The following C12orf42 variants were observed in gnomAD, a reference collection of about 807,000 sequenced individuals.
C12orf42 encodes uncharacterized protein C12orf42.
A neutral mutation model predicts 21.6 loss-of-function variants in C12orf42; 25 were observed. The ratio of observed to expected loss-of-function variants is 1.16; its 90% confidence interval spans 0.84 to 1.62. The LOEUF is 1.62. Among genes scored for constraint, C12orf42 ranks in the 40% most tolerant of loss-of-function variants. The probability of loss-of-function intolerance (pLI) is 0.00; values close to 1 mark genes in which losing one functional copy is unlikely to be tolerated. For synonymous variants in C12orf42, 174 were observed against 175.0 expected (o/e 0.99, Z 0.05); for missense variants, 483 against 459.3 (o/e 1.05, Z -0.47).
chr12:103,464,342 CAT>C (rs1281334287), intron 2 of C12orf42, among the ~76,000 whole-genome samples: 1 of 151,700 alleles, frequency 6.6e-6, no homozygotes, highest in Non-Finnish European at 1.5e-5. Context: ...GAGCTTTTTT[CAT>C]ATGTTTCTTG....
the C12orf42 span, among the ~76,000 whole-genome samples, chr12:103,120,010 G>C: frequency 6.6e-6 from 1 of 152,208 alleles, no homozygotes; most frequent in Non-Finnish European, 1.5e-5. Flanking sequence ...AGCACTGGAG[G>C]CTGGGGAAAA....
At chr12:103,497,338 C>T (rs146633394), upstream of C12orf42, among the ~76,000 whole-genome samples, 46 of 152,288 alleles carry the variant, frequency 3.0e-4, no homozygotes, top group Admixed American at 1.2e-3. Context: ...AGAAGACATG[C>T]CCTTCAATCT....
chr12:103,228,089 A>C, the C12orf42 span, among the ~76,000 whole-genome samples: 1 of 152,192 alleles, frequency 6.6e-6, no homozygotes, highest in African/African-American at 2.4e-5. Context: ...CCCTGATCAG[A>C]GTCACGGCAC....
At chr12:103,060,018 A>G in the C12orf42 span, among the ~76,000 whole-genome samples, 1 of 152,174 alleles carries the variant, frequency 6.6e-6, no homozygotes, top group Admixed American at 6.5e-5. Context: ...GCATTTTCAA[A>G]TAGGAAGAGA....
At chr12:103,247,446 GA>G (rs1207683725) in intron 10 of C12orf42, among the ~76,000 whole-genome samples, 1 of 151,916 alleles carries the variant, frequency 6.6e-6, no homozygotes, top group East Asian at 1.9e-4. Context: ...TATTGTCTAT[GA>G]CATCAATATT....
intron 4 of C12orf42, among the ~76,000 whole-genome samples, chr12:103,365,292 C>T (rs2044496612): frequency 2.0e-5 from 3 of 151,846 alleles, no homozygotes; most frequent in African/African-American, 7.3e-5. Context: ...TGATTAAAAC[C>T]CTCAGCAAAA....
chr12:103,464,261 C>A (rs554332082), intron 2 of C12orf42, among the ~76,000 whole-genome samples: 1 of 152,092 alleles, frequency 6.6e-6, no homozygotes, highest in Non-Finnish European at 1.5e-5. Context: ...TTTATAATTG[C>A]CATTCTGACT....
chr12:103,461,970 G>T (rs1051322998), intron 2 of C12orf42, among the ~76,000 whole-genome samples: 1 of 151,760 alleles, frequency 6.6e-6, no homozygotes, highest in Non-Finnish European at 1.5e-5. Flanking sequence ...TGGACTCTTT[G>T]GCACATCTAC....
chr12:103,393,570 T>C (rs1298969643), intron 3 of C12orf42, among the ~76,000 whole-genome samples: 1 of 152,126 alleles, frequency 6.6e-6, no homozygotes, highest in Non-Finnish European at 1.5e-5. Context: ...CAACACATGC[T>C]TCCGTTCCCT....
At chr12:103,560,671 G>T in the C12orf42 span, among the ~76,000 whole-genome samples, 1 of 152,172 alleles carries the variant, frequency 6.6e-6, no homozygotes, top group African/African-American at 2.4e-5. Context: ...GTCACCAACA[G>T]GACAAGCAAT....
At chr12:103,430,431 T>C (rs968031312) in intron 2 of C12orf42, among the ~76,000 whole-genome samples, 1 of 152,146 alleles carries the variant, frequency 6.6e-6, no homozygotes, top group Non-Finnish European at 1.5e-5. Context: ...TCACACCAGT[T>C]AGAATGGCGA....
intron 3 of C12orf42, among the ~76,000 whole-genome samples, chr12:103,400,507 C>T (rs2047902787): frequency 1.3e-5 from 2 of 152,206 alleles, no homozygotes; most frequent in South Asian, 2.1e-4. Context: ...AGATCCTTAA[C>T]GTCCAAATGG....
At chr12:103,521,698 T>A in the C12orf42 span, among the ~76,000 whole-genome samples, 1 of 152,150 alleles carries the variant, frequency 6.6e-6, no homozygotes, top group African/African-American at 2.4e-5. Context: ...TTAATTTAAT[T>A]TTTAAAAAAG....
chr12:103,286,769 A>G (rs2136337772), intron 4 of C12orf42, among the ~76,000 whole-genome samples: 1 of 152,304 alleles, frequency 6.6e-6, no homozygotes, highest in Non-Finnish European at 1.5e-5. Context: ...GAATAAGTTG[A>G]TATATCCTAG....
chr12:103,095,960 C>T, the C12orf42 span, among the ~76,000 whole-genome samples: 1 of 152,112 alleles, frequency 6.6e-6, no homozygotes, highest in Non-Finnish European at 1.5e-5. Context: ...TGCCAGGGAT[C>T]ACTGGGGTTG....
intron 2 of C12orf42, among the ~76,000 whole-genome samples, chr12:103,461,456 A>T (rs1198163262): frequency 1.3e-5 from 2 of 152,196 alleles, no homozygotes; most frequent in African/African-American, 4.8e-5. Context: ...GAGAAAAAAA[A>T]ATGTACATAG....
At chr12:103,166,076 A>AAGGAAGGAAG in the C12orf42 span, among the ~76,000 whole-genome samples, 1 of 150,814 alleles carries the variant, frequency 6.6e-6, no homozygotes. Context: ...AGAGAGAGAG[A>AAGGAAGGAAG]GAAGGAAGGA....
intron 5 of C12orf42, among the ~76,000 whole-genome samples, chr12:103,276,168 A>G (rs2136284919): frequency 6.6e-6 from 1 of 152,360 alleles, no homozygotes; most frequent in East Asian, 1.9e-4. Flanking sequence ...AACTTTTAAT[A>G]AATTTTAATG....
the C12orf42 span, among the ~76,000 whole-genome samples, chr12:103,193,486 C>A: frequency 6.6e-6 from 1 of 151,502 alleles, no homozygotes; most frequent in African/African-American, 2.4e-5. Context: ...GAAAAAGAAG[C>A]AATTAAATGA....
Sources: allele counts gnomAD v4.1 joint callset (sites outside exome capture counted in the v4.1 genomes callset), GRCh38; gene constraint gnomAD v4.1.1; transcripts MANE v1.5; gene names NCBI Gene and HGNC (gene_info 2026-07-23, HGNC 2026-07-21).